Variants in CCDC71L observed in about 807,000 individuals in gnomAD.
The protein encoded by CCDC71L is coiled-coil domain containing 71 like.
CCDC71L carries 6 observed loss-of-function variants against 10.2 expected under a neutral mutation model. The observed-to-expected ratio is 0.59, with a 90% CI of 0.32 to 1.16. The LOEUF is 1.16. Ranked by LOEUF, CCDC71L falls within the 50% of genes most tolerant of loss-of-function variation. The probability of loss-of-function intolerance (pLI) is 0.05; values close to 1 mark genes in which losing one functional copy is unlikely to be tolerated. For synonymous variants in CCDC71L, 204 were observed against 175.5 expected, an observed-to-expected ratio of 1.16 and a Z score of -1.28; for missense variants, 366 against 383.4, an observed-to-expected ratio of 0.95 and a Z score of 0.38.
rs750607238 is a variant in CCDC71L at position 106,660,271 on chromosome 7, G to A, written c.626C>T (p.Ala209Val). 1 of 1,569,078 alleles carries A rather than the reference G, an allele frequency of 6.4e-7. No homozygotes were observed. The highest frequency in any genetic ancestry group is 2.4e-5 in the East Asian group (1 of 41,244). Residue 209 changes from alanine (A) to valine (V), a missense_variant, in exon 1 of 1, where the codon GCG (alanine) becomes GTG (valine). Ala to Val is a moderately conservative substitution (Grantham distance 64). Coordinates refer to ENST00000523505, the MANE Select transcript of CCDC71L (RefSeq NM_175884.6). This position sits in a 1 kb window ranked among gnomAD's most constrained non-coding sequence, Gnocchi z 7.5. ...CAGGACCTGGCGCGCCCTGCGCCGC[G>A]CTGCCGCCAGGCTGCGCTCGCCCCA... Reference protein sequence around the residue: ...DVWGERSLAAARRRARQVLRV... With the variant: ...DVWGERSLAAVRRRARQVLRV...
chr7:106,661,104 G>C lies in CCDC71L; in HGVS notation c.-208C>G. The C allele has an allele frequency of 1.6e-6, 1 of 616,328 alleles. No individual in the cohort carries two copies. The highest frequency in any genetic ancestry group is 2.4e-6 in the Non-Finnish European group (1 of 413,404). 38.2% of individuals were successfully genotyped at this position (616,328 alleles called of 1,614,324 possible). A position where few individuals can be genotyped will look rare whatever the true frequency, so the allele number is the denominator to read the frequency against. ...GATGGCGGCCGGCGCCCACCCCTGG[G>C]CTTTGTCATTGGACGGCGCCTCGCC... On this transcript the variant is annotated 5_prime_UTR_variant, in exon 1 of 1. Coordinates refer to ENST00000523505, the MANE Select transcript of CCDC71L (RefSeq NM_175884.6).
At position 106,660,156 on chromosome 7, in the gene CCDC71L, G is replaced by C. The variant is rs772654754; in HGVS notation, c.*33C>G. On this transcript the variant is annotated 3_prime_UTR_variant, in exon 1 of 1. Coordinates refer to ENST00000523505, the MANE Select transcript of CCDC71L (RefSeq NM_175884.6). This position sits in a 1 kb window ranked among gnomAD's most constrained non-coding sequence, Gnocchi z 7.5. Reference sequence around the variant, plus strand: ...CGGGCGGAAGGCCTGTCCCAAGGTCGGGGCCGGCAGGAGGCGCCCTGGAGG... The same window carrying C: ...CGGGCGGAAGGCCTGTCCCAAGGTCCGGGCCGGCAGGAGGCGCCCTGGAGG... 32 of 1,492,436 alleles carry C rather than the reference G, an allele frequency of 2.1e-5. No individual in the cohort carries two copies. In the Admixed American group the frequency reaches 7.1e-4, roughly 33 times the overall value. The allele number at this position is 1,492,436 out of a possible 1,614,324, so 92.4% of individuals were successfully genotyped here.
chr7:106,659,850 G>C lies in CCDC71L; in HGVS notation c.*339C>G, dbSNP rs1364180653. The C allele has an allele frequency of 3.7e-6, 1 of 269,408 alleles. No homozygotes were observed. The highest frequency in any genetic ancestry group is 7.0e-6 in the Non-Finnish European group (1 of 143,110). 16.7% of individuals were successfully genotyped at this position (269,408 alleles called of 1,614,324 possible). On this transcript the variant is annotated 3_prime_UTR_variant, in exon 1 of 1. Transcript: ENST00000523505. ...GGAGGACTTCCAGACCAGTGAGGTA[G>C]AGTCCAACAGTGAGAAAACGGATCT...
rs188719021 is a variant in CCDC71L, at chr7:106,659,867, A to T, written c.*322T>A. ...GTGAGGTAGAGTCCAACAGTGAGAAAACGGATCTGCCCCTAAGGTCCTGGA... is the reference window on the plus strand; with the variant it reads ...GTGAGGTAGAGTCCAACAGTGAGAATACGGATCTGCCCCTAAGGTCCTGGA... On this transcript the variant is annotated 3_prime_UTR_variant, in exon 1 of 1. Transcript: ENST00000523505. 237 of 305,148 alleles carry T rather than the reference A, an allele frequency of 7.8e-4. No homozygotes were observed. The highest frequency in any genetic ancestry group is 1.2e-3 in the Non-Finnish European group (202 of 164,574). 18.9% of individuals were successfully genotyped at this position (305,148 alleles called of 1,614,324 possible). A position where few individuals can be genotyped will look rare whatever the true frequency, so the allele number is the denominator to read the frequency against.
Position 106,659,018 on chromosome 7 carries a change from T to C in CCDC71L, c.*1171A>G, listed in dbSNP as rs1218714533. The C allele has an allele frequency of 6.6e-6, 1 of 152,154 alleles. No homozygotes were observed. The highest frequency in any genetic ancestry group is 1.5e-5 in the Non-Finnish European group (1 of 68,016). The allele number at this position is 152,154 out of a possible 1,614,324, so 9.4% of individuals were successfully genotyped here. On this transcript the variant is annotated 3_prime_UTR_variant, in exon 1 of 1. Coordinates refer to ENST00000523505, the MANE Select transcript of CCDC71L (RefSeq NM_175884.6). ...AACAAAAACAAAAAGGAAATAGATT[T>C]CGCCCAAAGTAACCTTAACCAGTTA... is the stretch of plus-strand genomic sequence containing the variant.
rs896187320 is a variant in CCDC71L, at chr7:106,654,859, CT to C, written c.*5329del. 1.6e-4 allele frequency among the ~76,000 whole-genome samples: 24 copies of C among 150,904 alleles called. No homozygotes were observed. Among genetic ancestry groups the C allele is most frequent in the African/African-American group, 2.7e-4 (11 of 41,066 alleles). On this transcript the variant is annotated 3_prime_UTR_variant, in exon 1 of 1. Transcript: ENST00000523505. ...AAGATTTAGAACCCTAAGCCACACT[CT>C]TTTTTTTTCTGTACTCTTTAAAGAA...
Position 106,660,732 on chromosome 7 carries a change from C to A in CCDC71L, c.165G>T (p.Ala55=). The change falls in exon 1 of 1, where the codon GCG becomes GCT. Residue 55 remains alanine, a synonymous_variant. Coordinates refer to ENST00000523505, the MANE Select transcript of CCDC71L (RefSeq NM_175884.6). The surrounding 1 kb of genome is among the most constrained non-coding windows in gnomAD (Gnocchi z 7.5). ...TGAAGAGCTTGAAGGCGTCGCCCAG[C>A]GCCTTGGTGCTGTCAGCCAGCGACA... The part of the protein sequence containing the change: ...SQLSLADSTK[A]LGDAFKLFMP... 3 of 1,572,388 alleles carry A rather than the reference C, an allele frequency of 1.9e-6. No homozygotes were observed. Among genetic ancestry groups the A allele is most frequent in the Non-Finnish European group, 2.6e-6 (3 of 1,158,916 alleles).
rs1792593658 is a variant in CCDC71L, at chr7:106,661,103, G to C, written c.-207C>G. The C allele has an allele frequency of 1.6e-6, 1 of 626,404 alleles. No homozygotes were observed. The highest frequency in any genetic ancestry group is 2.4e-6 in the Non-Finnish European group (1 of 422,616). 38.8% of individuals were successfully genotyped at this position (626,404 alleles called of 1,614,324 possible). A position where few individuals can be genotyped will look rare whatever the true frequency, so the allele number is the denominator to read the frequency against. The stretch of plus-strand genomic sequence containing the variant: ...AGATGGCGGCCGGCGCCCACCCCTG[G>C]GCTTTGTCATTGGACGGCGCCTCGC... On this transcript the variant is annotated 5_prime_UTR_variant, in exon 1 of 1. Transcript: ENST00000523505.
In CCDC71L at chr7:106,655,459, G is replaced by T. The variant is rs1187788091; in HGVS notation, c.*4730C>A. Among the ~76,000 whole-genome samples the T allele has an allele frequency of 6.6e-6, 1 of 152,034 alleles. No individual in the cohort carries two copies. The highest frequency in any genetic ancestry group is 2.4e-5 in the African/African-American group (1 of 41,402). ...TTCTGGTGTTTCAAGCACAGCTATT[G>T]TACTCACTTTGTTTCCTTTAACACC... On this transcript the variant is annotated 3_prime_UTR_variant, in exon 1 of 1. Coordinates refer to ENST00000523505, the MANE Select transcript of CCDC71L (RefSeq NM_175884.6).
In CCDC71L at chr7:106,660,574, AC is replaced by A; in HGVS notation, c.322del (p.Val108TyrfsTer81). ...TGTAGGGGGCCCCGGGGGGTCGGGT[AC>A]CAGGGCCCGGCAGGAGGAGTAGCCG... Reference protein sequence around the residue: ...VYGYSSCRALVPDPPGPPTAR... With the variant: ...VYGYSSCRALXPDPPGPPTAR... On this transcript the variant is annotated frameshift_variant, in exon 1 of 1. Transcript: ENST00000523505. LOFTEE classifies it high-confidence loss of function. The surrounding 1 kb of genome is among the most constrained non-coding windows in gnomAD (Gnocchi z 7.5). 1 of 1,545,682 alleles carries A rather than the reference AC, an allele frequency of 6.5e-7. No homozygotes were observed. The highest frequency in any genetic ancestry group is 8.7e-7 in the Non-Finnish European group (1 of 1,147,170).
rs575117647 is a variant in CCDC71L, at chr7:106,659,694, C to T, written c.*495G>A. Reference sequence around the variant, plus strand: ...ACCCTGAGCACAAACTAGTGCAACACCACATGTTCGAACTTCTGTCCACAA... The same window carrying T: ...ACCCTGAGCACAAACTAGTGCAACATCACATGTTCGAACTTCTGTCCACAA... On this transcript the variant is annotated 3_prime_UTR_variant, in exon 1 of 1. Coordinates refer to ENST00000523505, the MANE Select transcript of CCDC71L (RefSeq NM_175884.6). 9 of 153,038 alleles carry T rather than the reference C, an allele frequency of 5.9e-5. No individual in the cohort carries two copies. In the East Asian group the frequency reaches 1.2e-3, roughly 20 times the overall value. 9.5% of individuals were successfully genotyped at this position (153,038 alleles called of 1,614,324 possible).
Position 106,660,642 on chromosome 7 carries a change from C to T in CCDC71L, c.255G>A (p.Lys85=). The T allele has an allele frequency of 1.3e-6, 2 of 1,589,808 alleles. No individual in the cohort carries two copies. The highest frequency in any genetic ancestry group is 1.1e-5 in the South Asian group (1 of 87,138). Residue 85 remains lysine (K), a synonymous_variant, in exon 1 of 1, where the codon AAG becomes AAA. Coordinates refer to ENST00000523505, the MANE Select transcript of CCDC71L (RefSeq NM_175884.6). This position sits in a 1 kb window ranked among gnomAD's most constrained non-coding sequence, Gnocchi z 7.5. ...GCAGGATGTGCGGGGAGAACTGGTG[C>T]TTGAGGCTGCAGAGGAAGCTCCAGA... ...AELWSFLCSL[K]HQFSPHILRS...
rs1277315126 is a variant in CCDC71L, at chr7:106,660,545, G to A, written c.352C>T (p.Arg118Cys). Residue 118 changes from arginine (R) to cysteine (C), a missense_variant, in exon 1 of 1, where the codon CGC (arginine) becomes TGC (cysteine). Physicochemically the swap from Arg to Cys is radical, Grantham distance 180. Coordinates refer to ENST00000523505, the MANE Select transcript of CCDC71L (RefSeq NM_175884.6). This position sits in a 1 kb window ranked among gnomAD's most constrained non-coding sequence, Gnocchi z 7.5. ...VPDPPGPPTA[R>C]GQARRPVPRA... ...GGAACCGGCCGGCGCGCCTGGCCGC[G>A]GGCTGTAGGGGGCCCCGGGGGGTCG... The A allele has an allele frequency of 4.0e-6, 6 of 1,485,520 alleles. No homozygotes were observed. Among genetic ancestry groups the A allele is most frequent in the Admixed American group, 4.5e-5 (2 of 44,212 alleles). The allele number at this position is 1,485,520 out of a possible 1,614,324, so 92.0% of individuals were successfully genotyped here. A position where few individuals can be genotyped will look rare whatever the true frequency, so the allele number is the denominator to read the frequency against.
Position 106,655,905 on chromosome 7 carries a change from C to T in CCDC71L, c.*4284G>A, listed in dbSNP as rs1423752804. Among the ~76,000 whole-genome samples the T allele has an allele frequency of 6.6e-6, 1 of 152,174 alleles. No individual in the cohort carries two copies. Among genetic ancestry groups the T allele is most frequent in the Non-Finnish European group, 1.5e-5 (1 of 68,010 alleles). Reference sequence around the variant, plus strand: ...CAATATTCTTGGGATGCTGAGAAACCTGGAGAGCTAAACTCACAACGGACC... The same window carrying T: ...CAATATTCTTGGGATGCTGAGAAACTTGGAGAGCTAAACTCACAACGGACC... On this transcript the variant is annotated 3_prime_UTR_variant, in exon 1 of 1. Transcript: ENST00000523505.
rs768180032 is a variant in CCDC71L, at chr7:106,660,162, G to C, written c.*27C>G. On this transcript the variant is annotated 3_prime_UTR_variant, in exon 1 of 1. Coordinates refer to ENST00000523505, the MANE Select transcript of CCDC71L (RefSeq NM_175884.6). The surrounding 1 kb of genome is among the most constrained non-coding windows in gnomAD (Gnocchi z 7.5). Reference sequence around the variant, plus strand: ...GAAGGCCTGTCCCAAGGTCGGGGCCGGCAGGAGGCGCCCTGGAGGCCGCAC... The same window carrying C: ...GAAGGCCTGTCCCAAGGTCGGGGCCCGCAGGAGGCGCCCTGGAGGCCGCAC... The C allele has an allele frequency of 1.3e-6, 2 of 1,502,384 alleles. No homozygotes were observed. Among genetic ancestry groups the C allele is most frequent in the Admixed American group, 4.3e-5 (2 of 46,368 alleles). The allele number at this position is 1,502,384 out of a possible 1,614,324, so 93.1% of individuals were successfully genotyped here.
In CCDC71L at chr7:106,660,891, C is replaced by T; in HGVS notation, c.6G>A (p.Arg2=). 1 of 1,410,252 alleles carries T rather than the reference C, an allele frequency of 7.1e-7. No individual in the cohort carries two copies. Among genetic ancestry groups the T allele is most frequent in the Non-Finnish European group, 9.2e-7 (1 of 1,088,808 alleles). 87.4% of individuals were successfully genotyped at this position (1,410,252 alleles called of 1,614,324 possible). The stretch of plus-strand genomic sequence containing the variant: ...GGCGCCGCCGCCTCTTCATACTGCG[C>T]CGCATCGAAGGCCGCTCCGGGCCAC... The part of the protein sequence containing the change: M[R]RSMKRRRRRR... Residue 2 remains arginine (R), a synonymous_variant, in exon 1 of 1, where the codon CGG becomes CGA. Coordinates refer to ENST00000523505, the MANE Select transcript of CCDC71L (RefSeq NM_175884.6). The surrounding 1 kb of genome is among the most constrained non-coding windows in gnomAD (Gnocchi z 7.5).
chr7:106,657,271 C>T lies in CCDC71L; in HGVS notation c.*2918G>A, dbSNP rs1473389256. On this transcript the variant is annotated 3_prime_UTR_variant, in exon 1 of 1. Coordinates refer to ENST00000523505, the MANE Select transcript of CCDC71L (RefSeq NM_175884.6). ...TACTGGTTTTAGTAACATAAAAATA[C>T]ATTGCTGGTTGACAGGAAGGATAAA... 2.6e-5 allele frequency: 4 copies of T among 152,118 alleles called. No homozygotes were observed. Among genetic ancestry groups the T allele is most frequent in the Admixed American group, 1.3e-4 (2 of 15,280 alleles). 9.4% of individuals were successfully genotyped at this position (152,118 alleles called of 1,614,324 possible).
Position 106,660,566 on chromosome 7 carries a change from G to T in CCDC71L, c.331C>A (p.Pro111Thr), listed in dbSNP as rs1313037667. The T allele has an allele frequency of 1.3e-6, 2 of 1,536,692 alleles. No homozygotes were observed. Among genetic ancestry groups the T allele is most frequent in the Non-Finnish European group, 1.7e-6 (2 of 1,142,886 alleles). The change falls in exon 1 of 1, where the codon CCC (proline) becomes ACC (threonine). Residue 111 changes from proline to threonine, a missense_variant. By Grantham distance (38) the Pro-to-Thr change is conservative. Coordinates refer to ENST00000523505, the MANE Select transcript of CCDC71L (RefSeq NM_175884.6). This position sits in a 1 kb window ranked among gnomAD's most constrained non-coding sequence, Gnocchi z 7.5. ...CCGCGGGCTGTAGGGGGCCCCGGGG[G>T]GTCGGGTACCAGGGCCCGGCAGGAG... ...YSSCRALVPDPPGPPTARGQA... is the reference protein window; with the variant it reads ...YSSCRALVPDTPGPPTARGQA...
chr7:106,660,404 G>C lies in CCDC71L; in HGVS notation c.493C>G (p.Pro165Ala). ...CCGAAGCAGGGCCCGGGGGCCACGG[G>C]CTTGGCCGGGCAGCTCTCCTCGGGG... ...PPPEESCPAK[P>A]VAPGPCFGGR... Residue 165 changes from proline (P) to alanine (A), a missense_variant, in exon 1 of 1, where the codon CCC becomes GCC. Coordinates refer to ENST00000523505, the MANE Select transcript of CCDC71L (RefSeq NM_175884.6). The surrounding 1 kb of genome is among the most constrained non-coding windows in gnomAD (Gnocchi z 7.5). The C allele has an allele frequency of 7.7e-7, 1 of 1,301,414 alleles. No homozygotes were observed. The allele number at this position is 1,301,414 out of a possible 1,614,324, so 80.6% of individuals were successfully genotyped here.
Sources: gnomAD v4.1 joint callset for allele counts (sites outside exome capture counted in the v4.1 genomes callset) on GRCh38, gnomAD v4.1.1 for gene constraint, Gnocchi (gnomAD v3.1) non-coding constraint, MANE v1.5 for transcripts, NCBI Gene and HGNC (gene_info 2026-07-23, HGNC 2026-07-21) for gene names.